IGF1R: variants seen among roughly 807,000 people sequenced by gnomAD.
IGF1R encodes the protein insulin-like growth factor 1 receptor.
A neutral mutation model predicts 144.6 loss-of-function variants in IGF1R; 44 were observed. The observed-to-expected ratio is 0.30, with a 90% CI of 0.24 to 0.39. The LOEUF is 0.39. IGF1R is among the 10% of genes least tolerant of loss of function. IGF1R has a pLI of 1.00. For missense variants in IGF1R, 1,355 were observed against 1,833.7 expected (o/e 0.74, Z 4.77); for synonymous variants, 795 against 722.8 (o/e 1.10, Z -1.60).
At position 98,891,701 on chromosome 15, in the gene IGF1R, A is replaced by AG; in HGVS notation, c.953+66dup. 1 of 1,504,638 alleles carries AG rather than the reference A, an allele frequency of 6.6e-7. No individual in the cohort carries two copies. Among genetic ancestry groups the AG allele is most frequent in the Non-Finnish European group, 9.1e-7 (1 of 1,100,230 alleles). 93.2% of individuals were successfully genotyped at this position (1,504,638 alleles called of 1,614,324 possible). A position where few individuals can be genotyped will look rare whatever the true frequency, so the allele number is the denominator to read the frequency against. On this transcript the variant is annotated intron_variant, in intron 3 of 20. Coordinates refer to ENST00000650285, the MANE Select transcript of IGF1R (RefSeq NM_000875.5). The surrounding 1 kb of genome is among the most constrained non-coding windows in gnomAD (Gnocchi z 4.7). ...CCTCACCCGCCACCCTAGCACACAA[A>AG]GGTAGACTCTGTCGGTTGTTTCATC...
At position 98,746,683 on chromosome 15, in the gene IGF1R, A is replaced by G. The variant is rs1229060754; in HGVS notation, c.640+38576A>G. Among the ~76,000 whole-genome samples, 6 of 152,288 alleles carry G rather than the reference A, an allele frequency of 3.9e-5. No individual in the cohort carries two copies. The East Asian group carries it at 1.2e-3, about 29-fold the overall frequency. ...CTCCTTTGGTCTCCTTTTCCTTGTC[A>G]TTGTTCAAGTCACAAGGTCTGCTGA... On this transcript the variant is annotated intron_variant, in intron 2 of 20. Transcript: ENST00000650285.
At chr15:98,668,827 A>G (rs1370846010) in intron 1 of IGF1R, among the ~76,000 whole-genome samples, 1 of 152,130 alleles carries the variant, frequency 6.6e-6, no homozygotes, top group Non-Finnish European at 1.5e-5. Context: ...TGTAAAGCTG[A>G]CACCAGCATC....
chr15:98,673,628 G>C (rs2052955903), intron 1 of IGF1R, among the ~76,000 whole-genome samples: 1 of 152,144 alleles, frequency 6.6e-6, no homozygotes, highest in Non-Finnish European at 1.5e-5. Flanking sequence ...CCCCATGCTG[G>C]GTACATGTTT....
At chr15:98,932,252 C>G (rs996517080) in intron 15 of IGF1R, among the ~76,000 whole-genome samples, 1 of 152,216 alleles carries the variant, frequency 6.6e-6, no homozygotes, top group Admixed American at 6.5e-5. Flanking sequence ...CTTATTTGAA[C>G]TTAATTTATT....
chr15:98,879,644 C>G (rs567547104), intron 2 of IGF1R, among the ~76,000 whole-genome samples: 1 of 152,206 alleles, frequency 6.6e-6, no homozygotes, highest in African/African-American at 2.4e-5. Flanking sequence ...ATCTAGAATG[C>G]AGATAGATTC....
chr15:98,922,689 C>T (rs191772274), intron 11 of IGF1R, among the ~76,000 whole-genome samples: 13 of 152,350 alleles, frequency 8.5e-5, no homozygotes, highest in Non-Finnish European at 1.3e-4. Flanking sequence ...CTGCAGGGTC[C>T]ACCCTCCACC....
chr15:98,785,849 T>G (rs1255954429), intron 2 of IGF1R, among the ~76,000 whole-genome samples: 1 of 152,126 alleles, frequency 6.6e-6, no homozygotes, highest in Non-Finnish European at 1.5e-5. Flanking sequence ...ATCTGTATTG[T>G]AAATCAGGAA....
At chr15:98,661,955 CCTTTTTT>C (rs1186100480) in intron 1 of IGF1R, among the ~76,000 whole-genome samples, 1 of 108,206 alleles carries the variant, frequency 9.2e-6, no homozygotes, top group Non-Finnish European at 1.8e-5. Context: ...TGAATAGGGC[CCTTTTTT>C]TTTTTTTTTT....
intron 2 of IGF1R, among the ~76,000 whole-genome samples, chr15:98,888,299 G>T (rs575403444): frequency 6.6e-6 from 1 of 152,340 alleles, no homozygotes; most frequent in African/African-American, 2.4e-5. Context: ...ATATTCTGTT[G>T]TGACCAGTTT....
intron 1 of IGF1R, among the ~76,000 whole-genome samples, chr15:98,696,867 G>A (rs987805109): frequency 6.6e-6 from 1 of 152,192 alleles, no homozygotes; most frequent in African/African-American, 2.4e-5. Context: ...GTGGGCAGAG[G>A]TTCCTGTGGG....
At chr15:98,927,189 C>A (rs1233876403) in intron 13 of IGF1R, among the ~76,000 whole-genome samples, 1 of 152,230 alleles carries the variant, frequency 6.6e-6, no homozygotes, top group Non-Finnish European at 1.5e-5. Flanking sequence ...TTATCACGTA[C>A]TGCAGGGAAA....
intron 20 of IGF1R, among the ~76,000 whole-genome samples, chr15:98,952,506 G>C (rs944521624): frequency 6.6e-6 from 1 of 152,214 alleles, no homozygotes; most frequent in Non-Finnish European, 1.5e-5. Flanking sequence ...GCTAATACTA[G>C]AACTGGTGGT....
intron 2 of IGF1R, chr15:98,890,774 A>G (rs1407349475): frequency 6.1e-6 from 1 of 163,462 alleles, no homozygotes; most frequent in Non-Finnish European, 1.3e-5. Flanking sequence ...TTTGATATCT[A>G]AGGCAGCAGA....
chr15:98,877,705 T>G (rs1047013354), intron 2 of IGF1R, among the ~76,000 whole-genome samples: 1 of 152,152 alleles, frequency 6.6e-6, no homozygotes, highest in Non-Finnish European at 1.5e-5. Flanking sequence ...TGAAGAGGCT[T>G]CACTGTGATT....
intron 5 of IGF1R, among the ~76,000 whole-genome samples, chr15:98,908,380 C>G (rs1760316889): frequency 2.0e-5 from 3 of 152,148 alleles, no homozygotes; most frequent in Admixed American, 2.0e-4. Context: ...GAAAAATAAC[C>G]AAAGGCATTT....
intron 2 of IGF1R, among the ~76,000 whole-genome samples, chr15:98,775,046 A>T (rs890394168): frequency 1.3e-5 from 2 of 152,074 alleles, no homozygotes; most frequent in African/African-American, 2.4e-5. Flanking sequence ...TCTGACTTGG[A>T]GGTTAATAAT....
Position 98,958,024 on chromosome 15 carries a change from A to G in IGF1R, c.*582A>G, listed in dbSNP as rs1173923162. 4.3e-6 allele frequency: 1 copy of G among 234,038 alleles called. No homozygotes were observed. Among genetic ancestry groups the G allele is most frequent in the Non-Finnish European group, 8.4e-6 (1 of 118,446 alleles). 14.5% of individuals were successfully genotyped at this position (234,038 alleles called of 1,614,324 possible). ...GGCTGTTACCATTTTAACGCTGCCT[A>G]ATTTTGCCAAAATCCTGAACTTTCT... On this transcript the variant is annotated 3_prime_UTR_variant, in exon 21 of 21. Transcript: ENST00000650285.
At chr15:98,682,775 T>A (rs912994283) in intron 1 of IGF1R, among the ~76,000 whole-genome samples, 1 of 152,124 alleles carries the variant, frequency 6.6e-6, no homozygotes, top group Middle Eastern at 3.4e-3. Context: ...CTGGAACTCC[T>A]GATTAGGTGA....
At position 98,840,137 on chromosome 15, in the gene IGF1R, T is replaced by TTTGC. The variant is rs541101181; in HGVS notation, c.641-51186_641-51183dup. Among the ~76,000 whole-genome samples, 655 of 152,300 alleles carry TTTGC rather than the reference T, an allele frequency of 4.3e-3. 7 individuals carry two copies. The highest frequency in any genetic ancestry group is 4.4e-3 in the Non-Finnish European group (296 of 68,018). ...TTCTTTTCTGTCCTTCCCGGACATC[T>TTTGC]TTGCTAGCACAGTGAGTGCAGGGAG... On this transcript the variant is annotated intron_variant, in intron 2 of 20. Transcript: ENST00000650285.
Sources: allele counts gnomAD v4.1 joint callset (sites outside exome capture counted in the v4.1 genomes callset), GRCh38; gene constraint gnomAD v4.1.1; non-coding constraint Gnocchi (gnomAD v3.1); transcripts MANE v1.5; gene names NCBI Gene and HGNC (gene_info 2026-07-23, HGNC 2026-07-21).